Variants in GPS1 observed in about 807,000 individuals in gnomAD.
The protein encoded by GPS1 is G protein pathway suppressor 1.
Under a neutral mutation model 60.0 loss-of-function variants are expected in GPS1, and 11 were observed. That is an observed-to-expected ratio of 0.18 (90% confidence interval 0.12 to 0.30). The LOEUF is 0.30. Ranked by LOEUF, GPS1 falls within the 10% of genes least tolerant of loss-of-function variation. The pLI, the probability that GPS1 is intolerant of heterozygous loss-of-function variation, is 1.00. For missense variants in GPS1, 543 were observed against 669.2 expected (o/e 0.81, Z 2.08); for synonymous variants, 343 against 269.8 (o/e 1.27, Z -2.66).
chr17:82,052,134 C>A, intron 1 of GPS1, 170 bp downstream of exon 1: 1 of 968,356 alleles, frequency 1.0e-6, no homozygotes, highest in Non-Finnish European at 1.4e-6. Context: ...GAGGGCGCGT[C>A]TCCGCCGTGG....
At position 82,056,409 on chromosome 17, in the gene GPS1, T is replaced by C. The variant is rs1481872494; in HGVS notation, c.1035+18T>C. 1.2e-6 allele frequency: 2 copies of C among 1,611,052 alleles called. No homozygotes were observed. Among genetic ancestry groups the C allele is most frequent in the South Asian group, 2.2e-5 (2 of 91,030 alleles). On this transcript the variant is annotated intron_variant, in intron 9 of 12. Transcript: ENST00000578552. ...AGATGAAGGTGGGCCCCGCCTGGGG[T>C]AGGGGTGAGGTGGGGCCCTGCCTGG... is the stretch of plus-strand genomic sequence containing the variant.
Position 82,056,532 on chromosome 17 carries a change from C to A in GPS1, c.1098C>A (p.Arg366=), listed in dbSNP as rs746390896. ...PHVRTLYTQI[R]NRALIQYFSP... ...TCAGGACCCTGTACACCCAGATTCG[C>A]AACCGTGCCCTCATCCAGGTAAGCG... Residue 366 remains arginine, a synonymous_variant, in exon 10 of 13, where the codon CGC becomes CGA. Coordinates refer to ENST00000578552, the MANE Select transcript of GPS1 (RefSeq NM_001321092.3). 2 of 1,613,028 alleles carry A rather than the reference C, an allele frequency of 1.2e-6. No homozygotes were observed. Among genetic ancestry groups the A allele is most frequent in the South Asian group, 2.2e-5 (2 of 91,086 alleles).
At chr17:82,051,705 G>A (rs913438528), upstream of GPS1, 10 of 1,022,642 alleles carry the variant, frequency 9.8e-6, no homozygotes, top group Non-Finnish European at 1.2e-5. The surrounding 1 kb of genome is among the most constrained non-coding windows in gnomAD (Gnocchi z 4.1). Flanking sequence ...TAACAGCAGC[G>A]CGGCCAGGGC....
chr17:82,051,096 G>A (rs1169681054), upstream of GPS1: 17 of 1,361,734 alleles, frequency 1.2e-5, no homozygotes, highest in Non-Finnish European at 1.5e-5. This position sits in a 1 kb window ranked among gnomAD's most constrained non-coding sequence, Gnocchi z 4.1. Context: ...GCTAGTGTGA[G>A]AGGCTGGTGG....
intron 6 of GPS1, 53 bp from the exon 7 acceptor site, chr17:82,055,687 C>G: frequency 7.8e-7 from 1 of 1,280,862 alleles, no homozygotes; most frequent in Non-Finnish European, 1.1e-6. Context: ...CTTCCCCAGG[C>G]TCTGGGGTCT....
chr17:82,055,712 C>T (rs556686902), intron 6 of GPS1, 28 bp from the exon 7 acceptor site: 9 of 1,477,544 alleles, frequency 6.1e-6, no homozygotes, highest in East Asian at 4.9e-5. Flanking sequence ...CCCTCTCCCC[C>T]CTCCCCGCCC....
chr17:82,056,620 G>C lies in GPS1; in HGVS notation c.1117-9G>C. ...GGGGCTGTGGAGCTGACTTCCCTCT[G>C]CCCTGCAGTATTTCAGCCCCTACGT... On this transcript the variant is annotated splice_polypyrimidine_tract_variant and intron_variant, in intron 10 of 12. Transcript: ENST00000578552. 1.2e-6 allele frequency: 2 copies of C among 1,612,032 alleles called. No individual in the cohort carries two copies. Among genetic ancestry groups the C allele is most frequent in the Non-Finnish European group, 1.7e-6 (2 of 1,179,642 alleles).
Position 82,051,905 on chromosome 17 carries a change from G to A in GPS1, c.-27G>A, listed in dbSNP as rs1328852757. 5 of 1,160,210 alleles carry A rather than the reference G, an allele frequency of 4.3e-6. No individual in the cohort carries two copies. Among genetic ancestry groups the A allele is most frequent in the African/African-American group, 1.6e-5 (1 of 60,974 alleles). 71.9% of individuals were successfully genotyped at this position (1,160,210 alleles called of 1,614,324 possible). A position where few individuals can be genotyped will look rare whatever the true frequency, so the allele number is the denominator to read the frequency against. ...CGGCTTCGCTGCCCCGGAAGTGGAC[G>A]GCACGCCGCGGCGGGGTGGGTGCAA... On this transcript the variant is annotated 5_prime_UTR_variant, in exon 1 of 13. Transcript: ENST00000578552. This position sits in a 1 kb window ranked among gnomAD's most constrained non-coding sequence, Gnocchi z 4.1.
In GPS1 at chr17:82,057,081, A is replaced by G; in HGVS notation, c.1418A>G (p.Glu473Gly). 1 of 1,581,036 alleles carries G rather than the reference A, an allele frequency of 6.3e-7. No individual in the cohort carries two copies. Among genetic ancestry groups the G allele is most frequent in the Non-Finnish European group, 8.6e-7 (1 of 1,161,460 alleles). The change falls in exon 13 of 13, where the codon GAG becomes GGG. Residue 473 changes from glutamate to glycine, a missense_variant. Glu to Gly is a moderately conservative substitution (Grantham distance 98). Transcript: ENST00000578552. ...KSPPREGSQG[E>G]LTPANSQSRM... Reference sequence around the variant, plus strand: ...CCGCCCAGAGAAGGGAGCCAGGGGGAGCTGACTCCAGCCAACAGCCAGTCC... The same window carrying G: ...CCGCCCAGAGAAGGGAGCCAGGGGGGGCTGACTCCAGCCAACAGCCAGTCC...
chr17:82,052,290 C>T (rs376662207), intron 1 of GPS1: 4 of 1,612,120 alleles, frequency 2.5e-6, no homozygotes, highest in African/African-American at 2.7e-5. Flanking sequence ...TCGGGGGGTG[C>T]AGAAAGTCAG....
chr17:82,053,726 C>T (rs967016798), intron 2 of GPS1, 142 bp from the exon 3 acceptor site: 9 of 800,716 alleles, frequency 1.1e-5, no homozygotes, highest in South Asian at 5.6e-5. Flanking sequence ...CAGTCAGTCT[C>T]GTACCCCCAT....
At chr17:82,053,153 A>C in intron 1 of GPS1, 121 bp from the exon 2 acceptor site, 1 of 672,052 alleles carries the variant, frequency 1.5e-6, no homozygotes, top group Non-Finnish European at 2.2e-6. Flanking sequence ...CAGCGGCGGG[A>C]GTGTGGTCCG....
At chr17:82,054,316 G>A (rs1196014959) in intron 3 of GPS1, 194 bp from the exon 4 acceptor site, 3 of 844,918 alleles carry the variant, frequency 3.6e-6, no homozygotes, top group Non-Finnish European at 5.3e-6. Context: ...CCACCCGGCT[G>A]TAGGCTCCTG....
rs1335600313 is a variant in GPS1 at position 82,056,685 on chromosome 17, C to T, written c.1173C>T (p.Thr391=). The change falls in exon 11 of 13, where the codon ACC becomes ACT. Residue 391 remains threonine (T), a synonymous_variant. Coordinates refer to ENST00000578552, the MANE Select transcript of GPS1 (RefSeq NM_001321092.3). ...ATAGGATGGCGGCAGCCTTCAATAC[C>T]ACGGTGGCCGCCCTGGAGGACGAGC... is the stretch of plus-strand genomic sequence containing the variant. The part of the protein sequence containing the change: ...DMHRMAAAFN[T]TVAALEDELT... 3.1e-6 allele frequency: 5 copies of T among 1,598,366 alleles called. No homozygotes were observed. The highest frequency in any genetic ancestry group is 2.2e-5 in the East Asian group (1 of 44,686).
chr17:82,051,509 G>A (rs1043777857), upstream of GPS1: 3 of 1,390,840 alleles, frequency 2.2e-6, no homozygotes, highest in African/African-American at 3.0e-5. This position sits in a 1 kb window ranked among gnomAD's most constrained non-coding sequence, Gnocchi z 4.1. Context: ...CCTGCTGGCG[G>A]GCCCGGGAGA....
chr17:82,055,957 G>C (rs1208911472), intron 7 of GPS1, 44 bp from the exon 8 acceptor site: 1 of 1,485,664 alleles, frequency 6.7e-7, no homozygotes, highest in Non-Finnish European at 9.4e-7. Flanking sequence ...GGCAGGGGTG[G>C]CCTGGCCCTT....
In GPS1 at chr17:82,054,882, T is replaced by C; in HGVS notation, c.610-16T>C. The C allele has an allele frequency of 6.4e-7, 1 of 1,571,352 alleles. No homozygotes were observed. The highest frequency in any genetic ancestry group is 2.3e-5 in the East Asian group (1 of 44,438). ...TGGGGCGCCCGGGCTCACTTGGCTC[T>C]GCGCCCCCCCGCCAGGTCAGCGTCT... On this transcript the variant is annotated splice_polypyrimidine_tract_variant and intron_variant, in intron 4 of 12. Transcript: ENST00000578552.
In GPS1 at chr17:82,054,539, C is replaced by G. The variant is rs1375960289; in HGVS notation, c.338C>G (p.Pro113Arg). 1 of 1,565,918 alleles carries G rather than the reference C, an allele frequency of 6.4e-7. No homozygotes were observed. Among genetic ancestry groups the G allele is most frequent in the Non-Finnish European group, 8.6e-7 (1 of 1,156,730 alleles). The change falls in exon 4 of 13, where the codon CCT (proline) becomes CGT (arginine). Residue 113 changes from proline to arginine, a missense_variant. By Grantham distance (103) the Pro-to-Arg change is moderately radical (BLOSUM62 -2). Transcript: ENST00000578552. ...RELQNAPDAI[P>R]ESGVEPPALD... is the part of the protein sequence containing the mutation. ...CTGCAGAACGCACCCGACGCCATCC[C>G]TGAGAGCGGCGTGGAGCCCCCAGCC...
intron 1 of GPS1, chr17:82,052,205 C>A: frequency 1.3e-6 from 2 of 1,505,664 alleles, no homozygotes; most frequent in Non-Finnish European, 1.8e-6. Flanking sequence ...CCCAGCAGCT[C>A]ACGGGAGAGG....
Sources: gnomAD v4.1 joint callset for allele counts on GRCh38, gnomAD v4.1.1 for gene constraint, Gnocchi (gnomAD v3.1) non-coding constraint, MANE v1.5 for transcripts, NCBI Gene and HGNC (gene_info 2026-07-23, HGNC 2026-07-21) for gene names.